The following UBN1 variants were observed in gnomAD, a reference collection of about 807,000 sequenced individuals.
The protein encoded by UBN1 is ubinuclein-1.
UBN1 carries 17 observed loss-of-function variants against 108.5 expected under a neutral mutation model. The observed-to-expected ratio is 0.16, with a 90% confidence interval of 0.11 to 0.24. The LOEUF (loss-of-function observed/expected upper bound fraction) is 0.24, where lower values mean the gene tolerates loss of function less well. UBN1 is among the 10% of genes least tolerant of loss of function. The pLI, the probability that UBN1 is intolerant of heterozygous loss-of-function variation, is 1.00. For missense variants in UBN1, 1,595 were observed against 1,394.4 expected (o/e 1.14, Z -2.29); for synonymous variants, 726 against 564.2 (o/e 1.29, Z -4.07).
intron 7 of UBN1, among the ~76,000 whole-genome samples, chr16:4,861,461 C>T (rs192472866): frequency 1.1e-4 from 16 of 152,296 alleles, no homozygotes; most frequent in East Asian, 3.9e-4. Flanking sequence ...AGAATTCTTA[C>T]GAAGGTTTTG....
intron 15 of UBN1, 28 bp from the exon 16 acceptor site, chr16:4,876,843 C>T (rs760670435): frequency 5.8e-6 from 9 of 1,556,368 alleles, no homozygotes; most frequent in South Asian, 1.2e-5. Flanking sequence ...GACTGGAGTT[C>T]TTACCGCTTG....
chr16:4,869,898 C>T (rs554821999), intron 8 of UBN1, among the ~76,000 whole-genome samples: 1 of 152,262 alleles, frequency 6.6e-6, no homozygotes, highest in South Asian at 2.1e-4. Context: ...CATGACTTTC[C>T]ACTTTGAAAG....
intron 12 of UBN1, 62 bp from the exon 13 acceptor site, chr16:4,872,822 C>T: frequency 1.3e-6 from 2 of 1,598,772 alleles, no homozygotes; most frequent in Non-Finnish European, 1.7e-6. Context: ...TAGCAAAGTT[C>T]TGGAAGCAGA....
At position 4,858,624 on chromosome 16, in the gene UBN1, T is replaced by C. The variant is rs753640391; in HGVS notation, c.393T>C (p.Gly131=). 4 of 1,614,134 alleles carry C rather than the reference T, an allele frequency of 2.5e-6. No homozygotes were observed. The highest frequency in any genetic ancestry group is 3.3e-5 in the Admixed American group (2 of 60,022). Residue 131 remains glycine, a synonymous_variant, in exon 4 of 18, where the codon GGT becomes GGC. Coordinates refer to ENST00000262376, the MANE Select transcript of UBN1 (RefSeq NM_001079514.3). The part of the protein sequence containing the change: ...RIQDLIDMGY[G]YDESDSFIDN... ...AGGACTTGATCGATATGGGGTATGG[T>C]TATGATGAATCCGACTCCTTCATCG... is the stretch of plus-strand genomic sequence containing the variant.
chr16:4,882,363 T>A lies in UBN1; in HGVS notation c.*2231T>A, dbSNP rs1209481596. On this transcript the variant is annotated 3_prime_UTR_variant, in exon 18 of 18. Transcript: ENST00000262376. ...AAATTGTTTCAAGGTTTCCAAAACA[T>A]TTTTTCTCACTCTTTTCTTTCTACC... 2.0e-5 allele frequency: 3 copies of A among 152,464 alleles called. No homozygotes were observed. Among genetic ancestry groups the A allele is most frequent in the Admixed American group, 6.6e-5 (1 of 15,264 alleles). The allele number at this position is 152,464 out of a possible 1,614,324, so 9.4% of individuals were successfully genotyped here. A position where few individuals can be genotyped will look rare whatever the true frequency, so the allele number is the denominator to read the frequency against.
In UBN1 at chr16:4,877,916, T is replaced by C; in HGVS notation, c.3355+442T>C. On this transcript the variant is annotated intron_variant, in intron 17 of 17. Coordinates refer to ENST00000262376, the MANE Select transcript of UBN1 (RefSeq NM_001079514.3). The surrounding 1 kb of genome is among the most constrained non-coding windows in gnomAD (Gnocchi z 4.3). ...GATGTGATTGCTTAACAGAAGGCTC[T>C]CTAAACTTTGTTTCCATTAAAGGGA... The C allele has an allele frequency of 2.3e-6, 2 of 865,972 alleles. No individual in the cohort carries two copies. Among genetic ancestry groups the C allele is most frequent in the Non-Finnish European group, 2.8e-6 (2 of 720,680 alleles). 53.6% of individuals were successfully genotyped at this position (865,972 alleles called of 1,614,324 possible). A position where few individuals can be genotyped will look rare whatever the true frequency, so the allele number is the denominator to read the frequency against.
intron 2 of UBN1, 135 bp from the exon 3 acceptor site, chr16:4,857,855 G>T: frequency 1.5e-6 from 1 of 661,330 alleles, no homozygotes; most frequent in South Asian, 1.9e-5. Context: ...TGATGAGATG[G>T]TAGCATGTTT....
chr16:4,864,674 C>G (rs1436588246), intron 7 of UBN1, among the ~76,000 whole-genome samples: 1 of 152,186 alleles, frequency 6.6e-6, no homozygotes, highest in Non-Finnish European at 1.5e-5. Flanking sequence ...TTGACAGCTA[C>G]TCAGCCTTGG....
chr16:4,863,000 T>C (rs911332953), intron 7 of UBN1, among the ~76,000 whole-genome samples: 2 of 152,228 alleles, frequency 1.3e-5, no homozygotes, highest in African/African-American at 4.8e-5. Context: ...AAGTGTGAAG[T>C]TGATATTCGA....
Position 4,848,861 on chromosome 16 carries a change from G to C in UBN1, c.-40+651G>C, listed in dbSNP as rs143333499. 2.2e-3 allele frequency among the ~76,000 whole-genome samples: 333 copies of C among 152,276 alleles called. 2 individuals are homozygous for C. The highest frequency in any genetic ancestry group is 7.7e-3 in the African/African-American group (318 of 41,528). ...TAAGCCTGTAATCCCAGCATTTTGG[G>C]ATGCCGAGGCGGGTGGACCACCTGA... On this transcript the variant is annotated intron_variant, in intron 1 of 17. Transcript: ENST00000262376.
intron 15 of UBN1, among the ~76,000 whole-genome samples, chr16:4,876,439 G>T (rs948515906): frequency 1.3e-5 from 2 of 151,910 alleles, no homozygotes; most frequent in Admixed American, 1.3e-4. Context: ...ATATATGTAT[G>T]TGTGTGTATG....
At chr16:4,861,189 G>A (rs2087043685) in intron 7 of UBN1, 87 bp downstream of exon 7, 3 of 1,421,194 alleles carry the variant, frequency 2.1e-6, no homozygotes, top group Non-Finnish European at 9.3e-7. Flanking sequence ...CTTGCCCAGA[G>A]AAACTCTTAG....
chr16:4,852,846 G>C lies in UBN1; in HGVS notation c.-39-33G>C, dbSNP rs969517519. On this transcript the variant is annotated intron_variant, in intron 1 of 17. Coordinates refer to ENST00000262376, the MANE Select transcript of UBN1 (RefSeq NM_001079514.3). ...GCAGGTAAACTATTTTATCATCTTC[G>C]TTTGACCTGGCCCTTCTTTTCAATG... The C allele has an allele frequency of 4.0e-6, 6 of 1,514,426 alleles. No individual in the cohort carries two copies. In the African/African-American group the frequency reaches 7.0e-5, roughly 18 times the overall value. 93.8% of individuals were successfully genotyped at this position (1,514,426 alleles called of 1,614,324 possible).
At chr16:4,872,461 G>C (rs1163298479) in intron 12 of UBN1, 1 of 276,966 alleles carries the variant, frequency 3.6e-6, no homozygotes, top group Non-Finnish European at 5.4e-6. Context: ...TGTGTGTGGG[G>C]GGTGGGTGGG....
intron 12 of UBN1, chr16:4,872,422 G>A: frequency 1.1e-6 from 1 of 897,582 alleles, no homozygotes; most frequent in African/African-American, 2.1e-5. Flanking sequence ...CAGGAATTTG[G>A]CTCCCCAATC....
chr16:4,860,371 T>C (rs1298428361), intron 6 of UBN1, among the ~76,000 whole-genome samples: 2 of 152,232 alleles, frequency 1.3e-5, no homozygotes, highest in Non-Finnish European at 2.9e-5. Flanking sequence ...TAAATACTTT[T>C]CTTGCTCTCC....
chr16:4,878,948 G>A lies in UBN1; in HGVS notation c.3356-1135G>A, dbSNP rs78084092. On this transcript the variant is annotated intron_variant, in intron 17 of 17. Transcript: ENST00000262376. ...GATCACTTGAGCCGAGGAGGTCGAG[G>A]CTGCAGCGAGCCGTGGTCATGCTAC... 2.4e-3 allele frequency among the ~76,000 whole-genome samples: 371 copies of A among 152,296 alleles called. 1 individual carries two copies. The highest frequency in any genetic ancestry group is 8.3e-3 in the African/African-American group (345 of 41,560).
chr16:4,871,357 G>T, intron 12 of UBN1, 56 bp downstream of exon 12: 1 of 1,573,924 alleles, frequency 6.4e-7, no homozygotes, highest in Non-Finnish European at 8.6e-7. Context: ...TTTGAACGCT[G>T]CTTTTGTGCC....
chr16:4,855,779 T>G (rs1258608865), intron 2 of UBN1, among the ~76,000 whole-genome samples: 1 of 151,818 alleles, frequency 6.6e-6, no homozygotes, highest in African/African-American at 2.4e-5. Context: ...ATTAGCCGGG[T>G]GTGGTAGTGC....
Sources: allele counts gnomAD v4.1 joint callset (sites outside exome capture counted in the v4.1 genomes callset), GRCh38; gene constraint gnomAD v4.1.1; non-coding constraint Gnocchi (gnomAD v3.1); transcripts MANE v1.5; gene names NCBI Gene and HGNC (gene_info 2026-07-23, HGNC 2026-07-21).